The following RPS6KC1 variants were observed in gnomAD, a reference collection of about 807,000 sequenced individuals.
The protein encoded by RPS6KC1 is inactive ribosomal protein S6 kinase delta-1.
RPS6KC1 carries 54 observed loss-of-function variants against 103.8 expected under a neutral mutation model. The observed-to-expected ratio is 0.52, with a 90% CI of 0.42 to 0.65. The LOEUF is 0.65. Ranked by LOEUF, RPS6KC1 falls within the 30% of genes least tolerant of loss-of-function variation. The probability of loss-of-function intolerance (pLI) is 0.00; values close to 1 mark genes in which losing one functional copy is unlikely to be tolerated. For synonymous variants in RPS6KC1, 439 were observed against 438.7 expected, an observed-to-expected ratio of 1.00 and a Z score of -0.01; for missense variants, 1,151 against 1,253.8, an observed-to-expected ratio of 0.92 and a Z score of 1.24.
the RPS6KC1 span, among the ~76,000 whole-genome samples, chr1:213,523,892 C>T: frequency 6.6e-6 from 1 of 152,062 alleles, no homozygotes; most frequent in African/African-American, 2.4e-5. Flanking sequence ...TAGGCATTCA[C>T]CAGGGAACGG....
chr1:213,333,075 A>G, the RPS6KC1 span, among the ~76,000 whole-genome samples: 4 of 152,056 alleles, frequency 2.6e-5, no homozygotes, highest in Admixed American at 6.5e-5. Flanking sequence ...CTTCCAAACT[A>G]TTTCTCAAAT....
At chr1:213,711,896 C>T in the RPS6KC1 span, among the ~76,000 whole-genome samples, 12 of 152,282 alleles carry the variant, frequency 7.9e-5, no homozygotes, top group Non-Finnish European at 1.2e-4. Context: ...GCTTCGTCCC[C>T]GAAGGGCACC....
the RPS6KC1 span, among the ~76,000 whole-genome samples, chr1:213,799,746 C>A: frequency 2.0e-5 from 3 of 152,206 alleles, no homozygotes; most frequent in South Asian, 6.2e-4. Flanking sequence ...AAAACAGAGC[C>A]AGGGGTAGGT....
At chr1:213,250,292 G>A (rs2094523733) in intron 12 of RPS6KC1, among the ~76,000 whole-genome samples, 1 of 152,210 alleles carries the variant, frequency 6.6e-6, no homozygotes, top group Admixed American at 6.5e-5. Flanking sequence ...GAAAGTGCCA[G>A]TCTCTGTCAT....
chr1:213,569,558 G>T, the RPS6KC1 span, among the ~76,000 whole-genome samples: 1 of 151,896 alleles, frequency 6.6e-6, no homozygotes, highest in African/African-American at 2.4e-5. Flanking sequence ...GGGCTGTTAT[G>T]CTCGGCAGCA....
chr1:213,624,313 A>C, the RPS6KC1 span, among the ~76,000 whole-genome samples: 4 of 152,344 alleles, frequency 2.6e-5, no homozygotes, highest in East Asian at 7.7e-4. Context: ...AATGCAATGT[A>C]TGAAATGTAT....
At chr1:213,838,030 A>C in the RPS6KC1 span, among the ~76,000 whole-genome samples, 1 of 152,156 alleles carries the variant, frequency 6.6e-6, no homozygotes, top group African/African-American at 2.4e-5. Flanking sequence ...CTTCAGCACC[A>C]TTTGTACAAA....
chr1:213,465,107 T>C, the RPS6KC1 span, among the ~76,000 whole-genome samples: 1 of 152,206 alleles, frequency 6.6e-6, no homozygotes, highest in Non-Finnish European at 1.5e-5. Flanking sequence ...TCCAGATTTA[T>C]CTGTAGGATC....
the RPS6KC1 span, among the ~76,000 whole-genome samples, chr1:213,796,149 G>A: frequency 3.3e-5 from 5 of 152,292 alleles, no homozygotes; most frequent in Admixed American, 6.5e-5. Context: ...GATGGGATGC[G>A]TTTCAGTACA....
the RPS6KC1 span, among the ~76,000 whole-genome samples, chr1:213,487,173 C>A: frequency 0.12 from 17,534 of 152,130 alleles, 1,283 homozygotes; most frequent in African/African-American, 0.21. Context: ...GAGGCCAAGG[C>A]GGGTAGATCA....
At chr1:213,237,723 G>A (rs974818154) in intron 10 of RPS6KC1, among the ~76,000 whole-genome samples, 7 of 151,926 alleles carry the variant, frequency 4.6e-5, no homozygotes, top group Non-Finnish European at 7.4e-5. Flanking sequence ...TCTGAGGAGA[G>A]ACAAAGAGTT....
At chr1:213,258,164 G>C (rs2094697001) in intron 12 of RPS6KC1, among the ~76,000 whole-genome samples, 2 of 151,902 alleles carry the variant, frequency 1.3e-5, no homozygotes, top group African/African-American at 4.8e-5. Flanking sequence ...TGTATTTTTA[G>C]TAGAGACGGG....
chr1:213,591,587 C>T, the RPS6KC1 span, among the ~76,000 whole-genome samples: 1 of 152,260 alleles, frequency 6.6e-6, no homozygotes, highest in Non-Finnish European at 1.5e-5. Context: ...GGATGGAGTC[C>T]CTGTTGCCAG....
chr1:213,109,967 T>A (rs1365814734), intron 4 of RPS6KC1, among the ~76,000 whole-genome samples: 2 of 152,218 alleles, frequency 1.3e-5, no homozygotes, highest in African/African-American at 2.4e-5. Flanking sequence ...ATTGAATGGA[T>A]ATGAATATAC....
chr1:213,512,353 G>A, the RPS6KC1 span, among the ~76,000 whole-genome samples: 4 of 152,290 alleles, frequency 2.6e-5, no homozygotes, highest in South Asian at 2.1e-4. Flanking sequence ...GCCTCCACAC[G>A]TGGAGCCAGA....
intron 1 of RPS6KC1, among the ~76,000 whole-genome samples, chr1:213,059,657 G>T (rs773430384): frequency 2.0e-4 from 31 of 151,998 alleles, no homozygotes; most frequent in Non-Finnish European, 4.1e-4. Context: ...GGGATTACAG[G>T]CATGTGCTAC....
chr1:213,814,585 C>T, the RPS6KC1 span, among the ~76,000 whole-genome samples: 3 of 152,214 alleles, frequency 2.0e-5, no homozygotes, highest in Non-Finnish European at 2.9e-5. Flanking sequence ...CTTCCACTCA[C>T]CTCCCTGAAG....
chr1:213,844,520 G>T, the RPS6KC1 span, among the ~76,000 whole-genome samples: 1 of 152,114 alleles, frequency 6.6e-6, no homozygotes, highest in Admixed American at 6.5e-5. Flanking sequence ...TAAAAAATTA[G>T]AATATGCTGA....
At chr1:213,204,804 T>C (rs2093287995) in intron 8 of RPS6KC1, among the ~76,000 whole-genome samples, 1 of 152,022 alleles carries the variant, frequency 6.6e-6, no homozygotes, top group African/African-American at 2.4e-5. Flanking sequence ...TTTAATTTTA[T>C]TTTTTGTAGA....
Sources: allele counts gnomAD v4.1 joint callset (sites outside exome capture counted in the v4.1 genomes callset), GRCh38; gene constraint gnomAD v4.1.1; transcripts MANE v1.5; gene names NCBI Gene and HGNC (gene_info 2026-07-23, HGNC 2026-07-21).